The following WIF1 variants were observed in gnomAD, a reference collection of about 807,000 sequenced individuals.
WIF1 encodes Wnt inhibitory factor 1.
WIF1 carries 35 observed loss-of-function variants against 53.5 expected under a neutral mutation model. That is an observed-to-expected ratio of 0.65 (90% CI 0.50 to 0.87). The LOEUF (loss-of-function observed/expected upper bound fraction) is 0.87. Ranked by LOEUF, WIF1 falls within the 40% of genes least tolerant of loss-of-function variation. The probability of loss-of-function intolerance (pLI) is 0.00; values close to 1 mark genes in which losing one functional copy is unlikely to be tolerated. For missense variants in WIF1, 467 were observed against 476.8 expected (o/e 0.98, Z 0.19); for synonymous variants, 171 against 170.4 (o/e 1.00, Z -0.03).
Position 65,089,711 on chromosome 12 carries a change from C to T in WIF1, c.289-11857G>A, listed in dbSNP as rs1383883688. Among the ~76,000 whole-genome samples, 6 of 152,118 alleles carry T rather than the reference C, an allele frequency of 3.9e-5. No homozygotes were observed. The East Asian group carries it at 9.6e-4, about 24-fold the overall frequency. ...GGAGTATCCACTCCCTGCACTTGCC[C>T]ACCAAGCAGACTTTGACTTACCTCT... is the stretch of plus-strand genomic sequence containing the variant. On this transcript the variant is annotated intron_variant, in intron 2 of 9. Transcript: ENST00000286574.
chr12:65,059,931 C>A (rs111403433), intron 7 of WIF1, among the ~76,000 whole-genome samples: 5,140 of 151,970 alleles, frequency 0.034, 194 homozygotes, highest in African/African-American at 0.092. Flanking sequence ...GGATTATAGG[C>A]GTGAGCCACT....
At chr12:65,110,628 C>G (rs917139187) in intron 2 of WIF1, among the ~76,000 whole-genome samples, 3 of 152,070 alleles carry the variant, frequency 2.0e-5, no homozygotes, top group South Asian at 4.1e-4. Flanking sequence ...GTCGTCTGTG[C>G]CTCCGTTGCC....
intron 2 of WIF1, among the ~76,000 whole-genome samples, chr12:65,101,204 A>G (rs1883277069): frequency 6.6e-6 from 1 of 152,316 alleles, no homozygotes; most frequent in Middle Eastern, 3.4e-3. Context: ...CTTGGTGAGT[A>G]AAAAGTTTTG....
chr12:65,106,321 C>T lies in WIF1; in HGVS notation c.288+14096G>A, dbSNP rs145999783. Among the ~76,000 whole-genome samples, 24 of 151,690 alleles carry T rather than the reference C, an allele frequency of 1.6e-4. No homozygotes were observed. The East Asian group carries it at 4.6e-3, about 29-fold the overall frequency. On this transcript the variant is annotated intron_variant, in intron 2 of 9. Coordinates refer to ENST00000286574, the MANE Select transcript of WIF1 (RefSeq NM_007191.5). ...ACAGATTTGGACTCATTTATGAAAA[C>T]AACTTTCTATGATTAACAGAATCAT...
At chr12:65,097,222 T>C (rs1883218858) in intron 2 of WIF1, among the ~76,000 whole-genome samples, 1 of 151,810 alleles carries the variant, frequency 6.6e-6, no homozygotes, top group Middle Eastern at 3.4e-3. Context: ...TTTGTTTTCA[T>C]GGCTTTATTA....
chr12:65,087,769 A>G (rs1407877309), intron 2 of WIF1, among the ~76,000 whole-genome samples: 1 of 152,158 alleles, frequency 6.6e-6, no homozygotes, highest in Non-Finnish European at 1.5e-5. Context: ...TCAGAATACT[A>G]TATTACAAGG....
At chr12:65,086,986 A>ATAATT (rs1440163492) in intron 2 of WIF1, among the ~76,000 whole-genome samples, 1 of 151,324 alleles carries the variant, frequency 6.6e-6, no homozygotes, top group Non-Finnish European at 1.5e-5. Context: ...ACTAAAAATA[A>ATAATT]TAATTAAAAA....
chr12:65,082,467 T>A (rs976791426), intron 2 of WIF1, among the ~76,000 whole-genome samples: 10 of 152,176 alleles, frequency 6.6e-5, no homozygotes, highest in African/African-American at 2.4e-4. Flanking sequence ...AAAAGGTTGC[T>A]TTGTATTCAA....
intron 3 of WIF1, among the ~76,000 whole-genome samples, chr12:65,075,717 T>C (rs1041391162): frequency 6.6e-6 from 1 of 152,164 alleles, no homozygotes; most frequent in African/African-American, 2.4e-5. Flanking sequence ...TAGGAATTAG[T>C]ATCAAAACAT....
intron 9 of WIF1, among the ~76,000 whole-genome samples, chr12:65,053,154 A>G (rs1257856783): frequency 2.0e-4 from 30 of 152,324 alleles, no homozygotes; most frequent in Admixed American, 1.8e-3. Context: ...TCTCCTTATC[A>G]GTATGTCCTA....
rs1490160270 is a variant in WIF1, at chr12:65,051,331, C to T, written c.*18G>A. ...GCTATGAACTTGGTGTAACTTAAAACGTTTCAGATGTCGGAGTTCACCAGA... is the reference window on the plus strand; with the variant it reads ...GCTATGAACTTGGTGTAACTTAAAATGTTTCAGATGTCGGAGTTCACCAGA... On this transcript the variant is annotated 3_prime_UTR_variant, in exon 10 of 10. Transcript: ENST00000286574. 7 of 1,608,072 alleles carry T rather than the reference C, an allele frequency of 4.4e-6. No homozygotes were observed. The highest frequency in any genetic ancestry group is 3.3e-5 in the South Asian group (3 of 89,840).
At chr12:65,113,921 G>A (rs1883470785) in intron 2 of WIF1, among the ~76,000 whole-genome samples, 1 of 152,100 alleles carries the variant, frequency 6.6e-6, no homozygotes, top group Admixed American at 6.6e-5. Context: ...TCCTCCATTT[G>A]GTGACATAAA....
At chr12:65,114,321 T>C (rs1303950539) in intron 2 of WIF1, among the ~76,000 whole-genome samples, 1 of 152,182 alleles carries the variant, frequency 6.6e-6, no homozygotes, top group African/African-American at 2.4e-5. Context: ...TCAAACACCA[T>C]ATTACAGAAA....
intron 7 of WIF1, among the ~76,000 whole-genome samples, chr12:65,060,309 GATAA>G (rs1374619785): frequency 1.3e-5 from 2 of 152,120 alleles, no homozygotes; most frequent in African/African-American, 4.8e-5. Flanking sequence ...TCCAACAGCT[GATAA>G]ATAAACAAAA....
intron 2 of WIF1, among the ~76,000 whole-genome samples, chr12:65,109,571 G>C (rs1883399417): frequency 2.0e-5 from 3 of 152,212 alleles, no homozygotes; most frequent in Admixed American, 1.3e-4. Context: ...AAGCCAGTTA[G>C]ATCAGTTAAA....
intron 2 of WIF1, among the ~76,000 whole-genome samples, chr12:65,081,850 T>A (rs550227690): frequency 1.2e-4 from 18 of 151,846 alleles, no homozygotes; most frequent in Admixed American, 1.1e-3. Flanking sequence ...CACTGGGAAG[T>A]TTTAAGATAA....
intron 2 of WIF1, among the ~76,000 whole-genome samples, chr12:65,092,436 G>A (rs1002311288): frequency 3.3e-5 from 5 of 149,356 alleles, no homozygotes; most frequent in Admixed American, 1.3e-4. Context: ...ATATATATGT[G>A]TATATATATA....
At chr12:65,106,604 C>G (rs1883356368) in intron 2 of WIF1, among the ~76,000 whole-genome samples, 1 of 152,058 alleles carries the variant, frequency 6.6e-6, no homozygotes, top group South Asian at 2.1e-4. Flanking sequence ...CCTCAGCCTC[C>G]CAAAGTGTTG....
intron 2 of WIF1, among the ~76,000 whole-genome samples, chr12:65,086,315 T>C (rs1883037153): frequency 6.6e-6 from 1 of 152,054 alleles, no homozygotes; most frequent in Admixed American, 6.6e-5. Context: ...GACAAGTGCC[T>C]CCTCCTCACA....
Sources: allele counts gnomAD v4.1 joint callset (sites outside exome capture counted in the v4.1 genomes callset), GRCh38; gene constraint gnomAD v4.1.1; transcripts MANE v1.5; gene names NCBI Gene and HGNC (gene_info 2026-07-23, HGNC 2026-07-21).